Variants in CACNA1C observed in about 807,000 individuals in gnomAD.
CACNA1C encodes the protein voltage-dependent L-type calcium channel subunit alpha-1C.
In CACNA1C, 30 loss-of-function variants were observed where a neutral mutation model predicts 229.0. The observed-to-expected ratio is 0.13, with a 90% CI of 0.10 to 0.18. The LOEUF is 0.18. CACNA1C is among the 10% of genes least tolerant of loss of function. The pLI, the probability that CACNA1C is intolerant of heterozygous loss-of-function variation, is 1.00. For missense variants in CACNA1C, 1,658 were observed against 2,845.0 expected (o/e 0.58, Z 9.49); for synonymous variants, 1,114 against 1,132.5 (o/e 0.98, Z 0.33).
At chr12:2,206,598 C>T (rs1385629845) in intron 3 of CACNA1C, among the ~76,000 whole-genome samples, 1 of 152,252 alleles carries the variant, frequency 6.6e-6, no homozygotes, top group Admixed American at 6.5e-5. Context: ...CACCTCCCTA[C>T]CTACTCACTG....
intron 3 of CACNA1C, among the ~76,000 whole-genome samples, chr12:2,241,071 G>C (rs976278219): frequency 6.6e-6 from 1 of 152,100 alleles, no homozygotes; most frequent in Non-Finnish European, 1.5e-5. Flanking sequence ...TAACCAGTAC[G>C]AGGTGAGGGG....
At chr12:2,502,327 A>G (rs2099762408) in intron 7 of CACNA1C, among the ~76,000 whole-genome samples, 1 of 152,238 alleles carries the variant, frequency 6.6e-6, no homozygotes, top group African/African-American at 2.4e-5. Flanking sequence ...CCTGGGGTAC[A>G]CCCGTGAACA....
At chr12:2,025,123 C>A (rs1370226470) in intron 1 of CACNA1C, among the ~76,000 whole-genome samples, 1 of 152,210 alleles carries the variant, frequency 6.6e-6, no homozygotes, top group Non-Finnish European at 1.5e-5. Flanking sequence ...TCTCAGTTCC[C>A]TTACCCTGCG....
chr12:1,971,263 CCT>C lies in CACNA1C; in HGVS notation c.139+63_139+64del. On this transcript the variant is annotated intron_variant, in intron 1 of 46. Coordinates refer to the CACNA1C transcript ENST00000682462. The surrounding 1 kb of genome is among the most constrained non-coding windows in gnomAD (Gnocchi z 4.2). ...ACATGTTGAAATTTACTCTAAATATCCTAATGATACCTAGAATGTGACTTCCT... is the reference window on the plus strand; with the variant it reads ...ACATGTTGAAATTTACTCTAAATATCAATGATACCTAGAATGTGACTTCCT... The C allele has an allele frequency of 3.6e-6, 3 of 835,460 alleles. No homozygotes were observed. Among genetic ancestry groups the C allele is most frequent in the Middle Eastern group, 3.3e-4 (1 of 3,040 alleles). 51.8% of individuals were successfully genotyped at this position (835,460 alleles called of 1,614,324 possible).
intron 3 of CACNA1C, among the ~76,000 whole-genome samples, chr12:2,140,389 C>T (rs902542794): frequency 1.3e-5 from 2 of 151,278 alleles, no homozygotes; most frequent in East Asian, 3.8e-4. Flanking sequence ...AGAAGGCACT[C>T]GATGAGTATT....
chr12:2,200,300 TGAG>T (rs1319181708), intron 3 of CACNA1C, among the ~76,000 whole-genome samples: 1 of 152,184 alleles, frequency 6.6e-6, no homozygotes, highest in Non-Finnish European at 1.5e-5. Flanking sequence ...AGCAGACTCT[TGAG>T]GAGTGTTTAC....
At chr12:2,183,392 G>A (rs541008519) in intron 3 of CACNA1C, among the ~76,000 whole-genome samples, 7 of 152,328 alleles carry the variant, frequency 4.6e-5, no homozygotes, top group South Asian at 4.1e-4. Flanking sequence ...GGTAAGCACC[G>A]GGAATGGTCT....
chr12:2,148,312 T>C (rs970098458), intron 3 of CACNA1C, among the ~76,000 whole-genome samples: 5 of 151,310 alleles, frequency 3.3e-5, no homozygotes, highest in Non-Finnish European at 7.4e-5. Flanking sequence ...CATGGAGATG[T>C]TGATCCCACT....
At chr12:2,643,441 A>T (rs1174002483) in intron 30 of CACNA1C, among the ~76,000 whole-genome samples, 1 of 152,148 alleles carries the variant, frequency 6.6e-6, no homozygotes. Flanking sequence ...CGCATACCTC[A>T]TTCATTTGCT....
Position 2,657,425 on chromosome 12 carries a change from GA to G in CACNA1C, c.4232+2191del, listed in dbSNP as rs148476254. ...TGTTTAATTCTGTACATAACTAAGG[GA>G]AAAGTGTGTATACATATATATGTTA... On this transcript the variant is annotated intron_variant, in intron 34 of 46. Coordinates refer to ENST00000399655, the MANE Select transcript of CACNA1C (RefSeq NM_000719.7). Among the ~76,000 whole-genome samples, 696 of 152,130 alleles carry G rather than the reference GA, an allele frequency of 4.6e-3. 3 individuals carry two copies. Among genetic ancestry groups the G allele is most frequent in the African/African-American group, 0.016 (644 of 41,522 alleles).
intron 29 of CACNA1C, among the ~76,000 whole-genome samples, chr12:2,625,716 C>T (rs2086052656): frequency 6.6e-6 from 1 of 151,170 alleles, no homozygotes; most frequent in African/African-American, 2.4e-5. Context: ...TTTAGGAGGC[C>T]GAGGCCAAAG....
intron 10 of CACNA1C, among the ~76,000 whole-genome samples, chr12:2,555,258 T>G (rs1022213313): frequency 4.6e-5 from 7 of 152,216 alleles, no homozygotes; most frequent in Non-Finnish European, 8.8e-5. Context: ...CTTGCACTTG[T>G]GACCCGCTTG....
Position 2,679,906 on chromosome 12 carries a change from TC to T in CACNA1C, c.5444+112del. 1 of 787,566 alleles carries T rather than the reference TC, an allele frequency of 1.3e-6. No homozygotes were observed. Among genetic ancestry groups the T allele is most frequent in the Middle Eastern group, 3.6e-4 (1 of 2,770 alleles). 48.8% of individuals were successfully genotyped at this position (787,566 alleles called of 1,614,324 possible). ...CGGCCAGCCACTTGTCCCTCAAGCT[TC>T]CAGGAGGTTGCTGCCCCAGACTCCA... On this transcript the variant is annotated intron_variant, in intron 42 of 46. Transcript: ENST00000399655. The surrounding 1 kb of genome is among the most constrained non-coding windows in gnomAD (Gnocchi z 5.5).
intron 9 of CACNA1C, among the ~76,000 whole-genome samples, chr12:2,542,720 C>T (rs540730157): frequency 9.2e-5 from 14 of 152,170 alleles, no homozygotes; most frequent in African/African-American, 3.4e-4. Flanking sequence ...AGTCACACAC[C>T]AAAGCAGGTC....
chr12:2,650,494 G>A (rs1349811773), intron 31 of CACNA1C, among the ~76,000 whole-genome samples: 2 of 152,146 alleles, frequency 1.3e-5, no homozygotes, highest in African/African-American at 4.8e-5. Flanking sequence ...AAGCCCCGAG[G>A]GTCCATTCTC....
intron 1 of CACNA1C, among the ~76,000 whole-genome samples, chr12:2,006,385 G>A (rs2043464703): frequency 6.6e-6 from 1 of 152,172 alleles, no homozygotes; most frequent in South Asian, 2.1e-4. Flanking sequence ...TCCAGCCTGG[G>A]TGATAGAGCG....
At chr12:2,093,167 C>T (rs889074192) in intron 1 of CACNA1C, among the ~76,000 whole-genome samples, 1 of 152,218 alleles carries the variant, frequency 6.6e-6, no homozygotes, top group Non-Finnish European at 1.5e-5. Context: ...AGGCCCCTGG[C>T]AGGGCAAAGT....
chr12:2,393,906 G>T (rs773214774), intron 3 of CACNA1C, among the ~76,000 whole-genome samples: 11 of 152,096 alleles, frequency 7.2e-5, no homozygotes, highest in Non-Finnish European at 1.6e-4. Flanking sequence ...AGGAGTTCAA[G>T]ACCAGCCCGG....
chr12:2,255,851 G>T (rs371596257), intron 3 of CACNA1C, among the ~76,000 whole-genome samples: 1 of 146,686 alleles, frequency 6.8e-6, no homozygotes, highest in Admixed American at 6.7e-5. Flanking sequence ...ACAATCACAG[G>T]ATCCTGACCT....
Sources: allele counts gnomAD v4.1 joint callset (sites outside exome capture counted in the v4.1 genomes callset), GRCh38; gene constraint gnomAD v4.1.1; non-coding constraint Gnocchi (gnomAD v3.1); transcripts MANE v1.5; gene names NCBI Gene and HGNC (gene_info 2026-07-23, HGNC 2026-07-21).